Variants in TMEM164 observed in about 807,000 individuals in gnomAD.
TMEM164 encodes the protein transmembrane protein 164, also known as RP13-360B22.2.
Under a neutral mutation model 18.8 loss-of-function variants are expected in TMEM164, and 4 were observed. The ratio of observed to expected loss-of-function variants is 0.21; its 90% CI spans 0.10 to 0.49. The LOEUF (loss-of-function observed/expected upper bound fraction) is 0.49, where lower values mean the gene tolerates loss of function less well. Among genes scored for constraint, TMEM164 ranks in the 20% least tolerant of loss-of-function variants. The pLI is 0.98. For synonymous variants in TMEM164, 86 were observed against 101.7 expected (o/e 0.85, Z 0.93); for missense variants, 108 against 239.9 (o/e 0.45, Z 3.63).
At chrX:110,056,842 G>T (rs1174614246) in intron 2 of TMEM164, among the ~76,000 whole-genome samples, 1 of 111,065 alleles carries the variant, frequency 9.0e-6, no homozygotes, top group African/African-American at 3.3e-5. Context: ...GTTTTCTTTG[G>T]AGAGATGTCT....
At chrX:110,127,119 G>A (rs2066543872) in intron 4 of TMEM164, among the ~76,000 whole-genome samples, 1 of 111,010 alleles carries the variant, frequency 9.0e-6, no homozygotes, top group South Asian at 3.8e-4. Flanking sequence ...TCCATATGGA[G>A]CAGGGACCAG....
intron 5 of TMEM164, among the ~76,000 whole-genome samples, chrX:110,168,425 G>T (rs2067186626): frequency 8.9e-6 from 1 of 112,737 alleles, no homozygotes; most frequent in African/African-American, 3.2e-5. Flanking sequence ...TGTGCTGGAG[G>T]CCTTCACAAG....
intron 3 of TMEM164, among the ~76,000 whole-genome samples, chrX:110,089,347 C>T (rs2065894911): frequency 9.0e-6 from 1 of 111,083 alleles, no homozygotes; most frequent in African/African-American, 3.3e-5. Flanking sequence ...ACAGGCACTG[C>T]CACCACACCC....
At chrX:110,009,733 G>A (rs1030189364) in intron 2 of TMEM164, among the ~76,000 whole-genome samples, 10 of 111,556 alleles carry the variant, frequency 9.0e-5, no homozygotes, top group East Asian at 2.8e-4. Flanking sequence ...GGTGGCACAC[G>A]CCTGTAATCC....
chrX:110,014,737 GTTGT>G (rs1386238308), intron 2 of TMEM164, among the ~76,000 whole-genome samples: 1 of 78,091 alleles, frequency 1.3e-5, no homozygotes, highest in African/African-American at 4.7e-5. Context: ...TTTTTTTTTG[GTTGT>G]TTCTTTTTTT....
intron 3 of TMEM164, among the ~76,000 whole-genome samples, chrX:110,074,014 A>G (rs2065634989): frequency 9.1e-6 from 1 of 110,458 alleles, no homozygotes. Context: ...AGTAGCTGGG[A>G]CTACAGGCAC....
intron 5 of TMEM164, among the ~76,000 whole-genome samples, chrX:110,149,434 G>A (rs947737870): frequency 2.7e-5 from 3 of 111,819 alleles, no homozygotes; most frequent in Admixed American, 9.5e-5. Context: ...TTTATCCTAC[G>A]GAATGCTGTT....
chrX:110,119,606 A>G (rs1307708844), intron 4 of TMEM164, among the ~76,000 whole-genome samples: 3 of 111,813 alleles, frequency 2.7e-5, no homozygotes, highest in Non-Finnish European at 5.6e-5. Flanking sequence ...CAGCTGGTCC[A>G]TGGTTTTATG....
At chrX:110,021,945 G>A (rs184977210) in intron 2 of TMEM164, among the ~76,000 whole-genome samples, 8 of 111,656 alleles carry the variant, frequency 7.2e-5, no homozygotes, top group Non-Finnish European at 1.3e-4. Flanking sequence ...GACTAGAAGT[G>A]GAGATGGAGA....
intron 3 of TMEM164, among the ~76,000 whole-genome samples, chrX:110,090,422 C>T (rs1046938332): frequency 7.3e-5 from 8 of 109,674 alleles, no homozygotes; most frequent in Middle Eastern, 4.6e-3. Flanking sequence ...TCTCCTACCT[C>T]GGCCTCCTGA....
At chrX:110,006,862 G>A (rs1932756568) in intron 2 of TMEM164, among the ~76,000 whole-genome samples, 1 of 112,528 alleles carries the variant, frequency 8.9e-6, no homozygotes, top group South Asian at 3.6e-4. Flanking sequence ...ATTAGGCTAT[G>A]TTGTAGTGGC....
intron 3 of TMEM164, among the ~76,000 whole-genome samples, chrX:110,077,525 C>T (rs1296234390): frequency 9.0e-6 from 1 of 111,411 alleles, no homozygotes; most frequent in African/African-American, 3.3e-5. Context: ...TTTGTAGTCT[C>T]GATTGTGTAG....
At chrX:110,023,346 A>T (rs1386177896) in intron 2 of TMEM164, among the ~76,000 whole-genome samples, 2 of 109,640 alleles carry the variant, frequency 1.8e-5, no homozygotes, top group African/African-American at 6.7e-5. Flanking sequence ...CCTTTTTGTG[A>T]AACTCACCTT....
At chrX:110,073,306 G>A (rs2065624227) in intron 3 of TMEM164, among the ~76,000 whole-genome samples, 1 of 112,014 alleles carries the variant, frequency 8.9e-6, no homozygotes, top group Non-Finnish European at 1.9e-5. Flanking sequence ...AAAGAGCTGG[G>A]ATTACAGGCA....
At chrX:110,145,860 C>A (rs951601109) in intron 5 of TMEM164, among the ~76,000 whole-genome samples, 6 of 111,747 alleles carry the variant, frequency 5.4e-5, no homozygotes, top group Non-Finnish European at 1.1e-4. Flanking sequence ...ACTGGTCAAC[C>A]CAGGAACATA....
intron 5 of TMEM164, among the ~76,000 whole-genome samples, chrX:110,160,364 G>A (rs948702599): frequency 1.8e-5 from 2 of 111,846 alleles, no homozygotes; most frequent in Admixed American, 9.5e-5. Flanking sequence ...CAGTAGTAGC[G>A]GCCATCTCAG....
chrX:110,101,884 C>T (rs1017377447), intron 3 of TMEM164, among the ~76,000 whole-genome samples: 2 of 110,122 alleles, frequency 1.8e-5, no homozygotes, highest in Non-Finnish European at 3.8e-5. Flanking sequence ...AGCCCTGCCT[C>T]TCTATTGTTT....
chrX:110,034,867 A>G (rs370753169), intron 2 of TMEM164, among the ~76,000 whole-genome samples: 20 of 104,632 alleles, frequency 1.9e-4, no homozygotes, highest in African/African-American at 7.0e-4. Flanking sequence ...TGGCACATAT[A>G]CACCATGGAA....
chrX:110,103,619 C>T (rs1483305416), intron 3 of TMEM164, among the ~76,000 whole-genome samples: 1 of 104,687 alleles, frequency 9.6e-6, no homozygotes, highest in Non-Finnish European at 1.9e-5. Context: ...TAAGAATTGG[C>T]TGGAGGATGG....
Sources: allele counts gnomAD v4.1 joint callset (sites outside exome capture counted in the v4.1 genomes callset), GRCh38; gene constraint gnomAD v4.1.1; transcripts MANE v1.5; gene names NCBI Gene and HGNC (gene_info 2026-07-23, HGNC 2026-07-21).